NRG3: variants seen among roughly 807,000 people sequenced by gnomAD.
NRG3 encodes pro-neuregulin-3, membrane-bound isoform.
Under a neutral mutation model 66.9 loss-of-function variants are expected in NRG3, and 31 were observed. The observed-to-expected ratio is 0.46, with a 90% CI of 0.35 to 0.63. The LOEUF (loss-of-function observed/expected upper bound fraction) is 0.63. Ranked by LOEUF, NRG3 falls within the 20% of genes least tolerant of loss-of-function variation. NRG3 has a pLI of 0.00. For missense variants in NRG3, 910 were observed against 878.9 expected (o/e 1.04, Z -0.45); for synonymous variants, 393 against 359.4 (o/e 1.09, Z -1.06).
intron 1 of NRG3, among the ~76,000 whole-genome samples, chr10:82,160,720 TGAATATTGAAGA>T (rs1453920778): frequency 6.6e-6 from 1 of 151,950 alleles, no homozygotes; most frequent in Non-Finnish European, 1.5e-5. Flanking sequence ...TCTAAAACAT[TGAATATTGAAGA>T]GAATATTTTA....
At position 82,214,022 on chromosome 10, in the gene NRG3, C is replaced by A. The variant is rs79109357; in HGVS notation, c.824-144717C>A. Reference sequence around the variant, plus strand: ...TCTCAGACGCTGCCACAGTTCCAAGCAGCTATGAAGATGGCAGTGTCTGGA... The same window carrying A: ...TCTCAGACGCTGCCACAGTTCCAAGAAGCTATGAAGATGGCAGTGTCTGGA... On this transcript the variant is annotated intron_variant, in intron 1 of 8. Coordinates refer to ENST00000372141, the MANE Select transcript of NRG3 (RefSeq NM_001010848.4). Among the ~76,000 whole-genome samples the A allele has an allele frequency of 8.5e-3, 1,289 of 152,218 alleles. 24 individuals carry two copies. Among genetic ancestry groups the A allele is most frequent in the African/African-American group, 0.03 (1,236 of 41,524 alleles).
chr10:82,706,181 G>A (rs1194530558), intron 2 of NRG3, among the ~76,000 whole-genome samples: 3 of 152,000 alleles, frequency 2.0e-5, no homozygotes. Flanking sequence ...AATCTTTTCA[G>A]CAATAGTAGC....
intron 1 of NRG3, among the ~76,000 whole-genome samples, chr10:82,214,325 C>CAAT (rs1360371909): frequency 2.0e-5 from 3 of 152,068 alleles, no homozygotes; most frequent in Non-Finnish European, 4.4e-5. Context: ...GGTCACCAGC[C>CAAT]AATAATACTG....
chr10:82,232,607 C>G, intron 1 of NRG3: 1 of 602,680 alleles, frequency 1.7e-6, no homozygotes, highest in South Asian at 2.1e-5. Context: ...TTGTTTTTCT[C>G]TTTTGCTGCA....
chr10:82,014,207 C>A (rs532485143), intron 1 of NRG3, among the ~76,000 whole-genome samples: 2 of 152,176 alleles, frequency 1.3e-5, no homozygotes, highest in South Asian at 4.1e-4. Context: ...GTAGACTGGG[C>A]AGTTCCTCTG....
chr10:82,279,007 C>T (rs61863047), intron 1 of NRG3, among the ~76,000 whole-genome samples: 15,195 of 152,176 alleles, frequency 0.1, 994 homozygotes, highest in Non-Finnish European at 0.15. Flanking sequence ...TTATTACAGT[C>T]ATTTCTTCAA....
intron 2 of NRG3, among the ~76,000 whole-genome samples, chr10:82,432,488 T>A (rs1450679880): frequency 6.9e-6 from 1 of 145,432 alleles, no homozygotes; most frequent in Non-Finnish European, 1.5e-5. Context: ...TTTTTCTGTA[T>A]TTCTTCTAAA....
At chr10:82,814,938 G>C (rs2061642592) in intron 3 of NRG3, among the ~76,000 whole-genome samples, 1 of 152,126 alleles carries the variant, frequency 6.6e-6, no homozygotes, top group Admixed American at 6.5e-5. Flanking sequence ...GTGCAGTACA[G>C]AAAGTTTGCA....
At chr10:82,140,039 A>G (rs1356664827) in intron 1 of NRG3, among the ~76,000 whole-genome samples, 1 of 152,150 alleles carries the variant, frequency 6.6e-6, no homozygotes, top group Non-Finnish European at 1.5e-5. Flanking sequence ...GCTTTGAGGA[A>G]TAGGTCAGTA....
Position 82,874,006 on chromosome 10 carries a change from T to TA in NRG3, c.1054+8580dup, listed in dbSNP as rs559663180. Among the ~76,000 whole-genome samples the TA allele has an allele frequency of 4.0e-3, 580 of 145,658 alleles. 6 individuals carry two copies. The highest frequency in any genetic ancestry group is 0.012 in the African/African-American group (496 of 40,008). On this transcript the variant is annotated intron_variant, in intron 4 of 8. Transcript: ENST00000372141. ...AAGATAATCTTTGTATTTTTTAAGTTAAAAAAAAAAAGAAACAGTGTTTTC... is the reference window on the plus strand; with the variant it reads ...AAGATAATCTTTGTATTTTTTAAGTTAAAAAAAAAAAAGAAACAGTGTTTTC...
intron 4 of NRG3, among the ~76,000 whole-genome samples, chr10:82,913,596 T>C (rs1166838063): frequency 1.3e-5 from 2 of 152,200 alleles, no homozygotes; most frequent in Admixed American, 1.3e-4. Flanking sequence ...GTGGGTTTTG[T>C]TTTTCCATTA....
At chr10:81,893,728 T>C (rs1159338871) in intron 1 of NRG3, among the ~76,000 whole-genome samples, 2 of 152,206 alleles carry the variant, frequency 1.3e-5, no homozygotes, top group African/African-American at 2.4e-5. Context: ...TAAATATCAT[T>C]AGTTAACTAC....
chr10:82,513,839 C>T (rs2132470073), intron 2 of NRG3, among the ~76,000 whole-genome samples: 1 of 152,250 alleles, frequency 6.6e-6, no homozygotes, highest in East Asian at 1.9e-4. Flanking sequence ...GCCTTGCCAG[C>T]ATCTGTGGTT....
chr10:82,094,324 T>C (rs955339971), intron 1 of NRG3, among the ~76,000 whole-genome samples: 2 of 152,154 alleles, frequency 1.3e-5, no homozygotes, highest in African/African-American at 4.8e-5. Flanking sequence ...ATGACTATTA[T>C]TAAAAAGTCA....
At chr10:82,817,118 A>G (rs2061744609) in intron 3 of NRG3, among the ~76,000 whole-genome samples, 1 of 152,164 alleles carries the variant, frequency 6.6e-6, no homozygotes, top group South Asian at 2.1e-4. Flanking sequence ...CCAGTCTTGC[A>G]TTGTGCATTT....
chr10:82,892,075 C>G (rs1160522136), intron 4 of NRG3, among the ~76,000 whole-genome samples: 2 of 152,006 alleles, frequency 1.3e-5, no homozygotes, highest in Non-Finnish European at 2.9e-5. Flanking sequence ...AAGTGTTAAA[C>G]CAATTATGCA....
chr10:82,401,180 C>G (rs1165354169), intron 2 of NRG3, among the ~76,000 whole-genome samples: 1 of 151,924 alleles, frequency 6.6e-6, no homozygotes, highest in African/African-American at 2.4e-5. Flanking sequence ...TAAGCTAAAC[C>G]TAGAAGACTG....
intron 1 of NRG3, among the ~76,000 whole-genome samples, chr10:82,076,559 T>C (rs2065102298): frequency 6.6e-6 from 1 of 152,182 alleles, no homozygotes; most frequent in Non-Finnish European, 1.5e-5. Flanking sequence ...GGTGTTTGTA[T>C]CAGGGGGGTG....
chr10:82,141,607 G>T (rs1234725344), intron 1 of NRG3, among the ~76,000 whole-genome samples: 1 of 151,892 alleles, frequency 6.6e-6, no homozygotes, highest in Non-Finnish European at 1.5e-5. Flanking sequence ...AAGCAGCATT[G>T]TAGTATCAGC....
Sources: gnomAD v4.1 joint callset for allele counts (sites outside exome capture counted in the v4.1 genomes callset) on GRCh38, gnomAD v4.1.1 for gene constraint, MANE v1.5 for transcripts, NCBI Gene and HGNC (gene_info 2026-07-23, HGNC 2026-07-21) for gene names.